Variants in SEC14L1 observed in about 807,000 individuals in gnomAD.
SEC14L1 encodes the protein SEC14-like protein 1.
Under a neutral mutation model 85.3 loss-of-function variants are expected in SEC14L1, and 48 were observed. The observed-to-expected ratio is 0.56, with a 90% CI of 0.45 to 0.72. The LOEUF (loss-of-function observed/expected upper bound fraction) is 0.72, where lower values mean the gene tolerates loss of function less well. Among genes scored for constraint, SEC14L1 ranks in the 30% least tolerant of loss-of-function variants. The probability of loss-of-function intolerance (pLI) is 0.00; values close to 1 mark genes in which losing one functional copy is unlikely to be tolerated. For missense variants in SEC14L1, 682 were observed against 921.4 expected, an observed-to-expected ratio of 0.74 and a Z score of 3.36; for synonymous variants, 391 against 355.5, an observed-to-expected ratio of 1.10 and a Z score of -1.12.
intron 2 of SEC14L1, chr17:77,089,686 C>CAGTTAGGG (rs1435150849): frequency 3.0e-6 from 1 of 333,752 alleles, no homozygotes; most frequent in Non-Finnish European, 5.8e-6. Context: ...AACTACAACC[C>CAGTTAGGG]AGTTAGGGAG....
intron 3 of SEC14L1, among the ~76,000 whole-genome samples, chr17:77,099,997 G>A (rs536165294): frequency 3.4e-4 from 51 of 152,210 alleles, no homozygotes; most frequent in African/African-American, 1.1e-3. Flanking sequence ...ACATGCATTA[G>A]TTCAAAAAAT....
rs894729349 is a variant in SEC14L1, at chr17:77,143,736, A to T, written c.63+77A>T. 2.8e-6 allele frequency: 3 copies of T among 1,089,100 alleles called. No individual in the cohort carries two copies. In the Admixed American group the frequency reaches 5.8e-5, roughly 21 times the overall value. 67.5% of individuals were successfully genotyped at this position (1,089,100 alleles called of 1,614,324 possible). On this transcript the variant is annotated intron_variant, in intron 3 of 16. Transcript: ENST00000436233. ...AGTGTTAGAATTTGATGATCTATAG[A>T]TTTATTGTTCGTCTCCATGGCATCA...
chr17:77,208,571 G>A (rs1048463751), intron 13 of SEC14L1, among the ~76,000 whole-genome samples: 2 of 152,212 alleles, frequency 1.3e-5, no homozygotes, highest in South Asian at 2.1e-4. Context: ...TGTTGAGGCT[G>A]ATTGTTGAAA....
At chr17:77,155,410 A>G (rs1057260560) in intron 3 of SEC14L1, among the ~76,000 whole-genome samples, 3 of 152,204 alleles carry the variant, frequency 2.0e-5, no homozygotes, top group African/African-American at 7.2e-5. Context: ...GCTGCTTTAG[A>G]TGTGTGGCCC....
intron 3 of SEC14L1, among the ~76,000 whole-genome samples, chr17:77,165,130 C>T (rs1974229529): frequency 6.6e-6 from 1 of 152,190 alleles, no homozygotes; most frequent in African/African-American, 2.4e-5. Flanking sequence ...TATTTATCTT[C>T]AGGGCCATAT....
At position 77,214,933 on chromosome 17, in the gene SEC14L1, C is replaced by A; in HGVS notation, c.*910C>A. ...GGAGGCCGTCTTGGAACCAGCAAGT[C>A]GCATTTGCCACTTGACACTGTCCAT... On this transcript the variant is annotated 3_prime_UTR_variant, in exon 17 of 17. Transcript: ENST00000436233. 1.0e-6 allele frequency: 1 copy of A among 985,412 alleles called. No individual in the cohort carries two copies. Among genetic ancestry groups the A allele is most frequent in the Non-Finnish European group, 1.2e-6 (1 of 829,978 alleles). 61.0% of individuals were successfully genotyped at this position (985,412 alleles called of 1,614,324 possible).
chr17:77,202,704 G>C (rs1192623256), intron 9 of SEC14L1, among the ~76,000 whole-genome samples: 1 of 152,142 alleles, frequency 6.6e-6, no homozygotes, highest in African/African-American at 2.4e-5. Flanking sequence ...CGGATTGCCT[G>C]AGCTCAGGAT....
rs1372400948 is a variant in SEC14L1 at position 77,206,423 on chromosome 17, G to A, written c.1341+23G>A. 2.5e-6 allele frequency: 4 copies of A among 1,607,032 alleles called. No homozygotes were observed. Among genetic ancestry groups the A allele is most frequent in the East Asian group, 4.5e-5 (2 of 44,696 alleles). On this transcript the variant is annotated intron_variant, in intron 12 of 16. Transcript: ENST00000436233. The surrounding 1 kb of genome is among the most constrained non-coding windows in gnomAD (Gnocchi z 4.3). ...CTGGTGGGTTGAGATGCTTTTTGCA[G>A]TAACTGTGAGCCATTTGGAAAGCAG...
chr17:77,162,319 G>A (rs192006745), intron 3 of SEC14L1, among the ~76,000 whole-genome samples: 1 of 152,192 alleles, frequency 6.6e-6, no homozygotes. Flanking sequence ...TGTGGCTCAA[G>A]TATTTTTAAA....
At position 77,216,211 on chromosome 17, in the gene SEC14L1, G is replaced by C. The variant is rs1567943750; in HGVS notation, c.*2188G>C. ...TTAGTAGGTAGGGCTAGTAGGTAGG[G>C]CTAGTAGGTAGGGTTCGTAGGTAGG... On this transcript the variant is annotated 3_prime_UTR_variant, in exon 17 of 17. Transcript: ENST00000436233. 3 of 1,002,594 alleles carry C rather than the reference G, an allele frequency of 3.0e-6. No homozygotes were observed. Among genetic ancestry groups the C allele is most frequent in the Non-Finnish European group, 3.6e-6 (3 of 830,204 alleles). The allele number at this position is 1,002,594 out of a possible 1,614,324, so 62.1% of individuals were successfully genotyped here.
At chr17:77,134,381 C>T (rs1276211476) in intron 3 of SEC14L1, among the ~76,000 whole-genome samples, 1 of 152,006 alleles carries the variant, frequency 6.6e-6, no homozygotes, top group Non-Finnish European at 1.5e-5. Context: ...TCCCAAGTAG[C>T]TGGAACTATA....
intron 14 of SEC14L1, chr17:77,210,932 G>A (rs993772308): frequency 6.6e-5 from 10 of 152,212 alleles, no homozygotes; most frequent in African/African-American, 1.7e-4. Flanking sequence ...AGGCTGAAGC[G>A]GAGGCCCCCA....
intron 3 of SEC14L1, among the ~76,000 whole-genome samples, chr17:77,097,141 A>C (rs1364562734): frequency 6.6e-6 from 1 of 152,250 alleles, no homozygotes; most frequent in African/African-American, 2.4e-5. Flanking sequence ...AACACGTACC[A>C]GTATTTGAAG....
intron 3 of SEC14L1, among the ~76,000 whole-genome samples, chr17:77,151,045 T>C (rs1886337689): frequency 1.3e-5 from 2 of 152,222 alleles, no homozygotes; most frequent in African/African-American, 4.8e-5. Context: ...AGGTGTGATA[T>C]TGAAATACAT....
At position 77,216,593 on chromosome 17, in the gene SEC14L1, A is replaced by G. The variant is rs1378446317; in HGVS notation, c.*2570A>G. On this transcript the variant is annotated 3_prime_UTR_variant, in exon 17 of 17. Transcript: ENST00000436233. ...CTGCCAAGAAAATGCTTCACTCAAC[A>G]GTCCTCATGTGCCCAGAGATGTTTA... 1.2e-6 allele frequency: 2 copies of G among 1,613,188 alleles called. No individual in the cohort carries two copies. Among genetic ancestry groups the G allele is most frequent in the African/African-American group, 1.3e-5 (1 of 74,784 alleles).
upstream of SEC14L1, among the ~76,000 whole-genome samples, chr17:77,138,851 T>G (rs1411808447): frequency 6.6e-6 from 1 of 152,176 alleles, no homozygotes; most frequent in African/African-American, 2.4e-5. Flanking sequence ...TAAAGTTTTT[T>G]GTGATTGGTT....
chr17:77,118,831 T>G (rs1330014740), intron 3 of SEC14L1, among the ~76,000 whole-genome samples: 1 of 152,174 alleles, frequency 6.6e-6, no homozygotes, highest in African/African-American at 2.4e-5. Flanking sequence ...AGGCTTTGAC[T>G]GGCAAAGTGA....
Position 77,215,267 on chromosome 17 carries a change from AG to A in SEC14L1, c.*1245del, listed in dbSNP as rs954917140. The A allele has an allele frequency of 6.1e-6, 6 of 985,214 alleles. No individual in the cohort carries two copies. In the African/African-American group the frequency reaches 1.0e-4, roughly 17 times the overall value. The allele number at this position is 985,214 out of a possible 1,614,324, so 61.0% of individuals were successfully genotyped here. ...ATCTGGTACAGGCCCTTATTTTTTC[AG>A]CTTTTTATGGGAAAAGCAGGTTATT... On this transcript the variant is annotated 3_prime_UTR_variant, in exon 17 of 17. Transcript: ENST00000436233.
intron 3 of SEC14L1, among the ~76,000 whole-genome samples, chr17:77,148,272 C>T (rs754872780): frequency 1.3e-5 from 2 of 152,042 alleles, no homozygotes; most frequent in East Asian, 1.9e-4. Context: ...GAGGGAAGAA[C>T]ATGAGAGGCC....
Sources: gnomAD v4.1 joint callset for allele counts (sites outside exome capture counted in the v4.1 genomes callset) on GRCh38, gnomAD v4.1.1 for gene constraint, Gnocchi (gnomAD v3.1) non-coding constraint, MANE v1.5 for transcripts, NCBI Gene and HGNC (gene_info 2026-07-23, HGNC 2026-07-21) for gene names.